NRG1: variants seen among roughly 807,000 people sequenced by gnomAD.
NRG1 encodes neuregulin 1, also known as pro-neuregulin-1, membrane-bound isoform.
In NRG1, 18 loss-of-function variants were observed where a neutral mutation model predicts 63.8. The observed-to-expected ratio is 0.28, with a 90% confidence interval of 0.19 to 0.42. The LOEUF (loss-of-function observed/expected upper bound fraction) is 0.42. Among genes scored for constraint, NRG1 ranks in the 10% least tolerant of loss-of-function variants. NRG1 has a pLI of 1.00. For missense variants in NRG1, 762 were observed against 814.7 expected, an observed-to-expected ratio of 0.94 and a Z score of 0.79; for synonymous variants, 302 against 301.3, an observed-to-expected ratio of 1.00 and a Z score of -0.02.
intron 1 of NRG1, among the ~76,000 whole-genome samples, chr8:31,859,206 T>C (rs1456483928): frequency 6.6e-6 from 1 of 152,210 alleles, no homozygotes; most frequent in African/African-American, 2.4e-5. Flanking sequence ...CCTTATTAGC[T>C]GTTAATAAAT....
At chr8:32,583,903 G>T (rs1841151955) in intron 1 of NRG1, among the ~76,000 whole-genome samples, 1 of 152,174 alleles carries the variant, frequency 6.6e-6, no homozygotes, top group African/African-American at 2.4e-5. Flanking sequence ...GCTTCATTTT[G>T]ACTTCTTTCG....
chr8:32,513,204 CGTGT>C lies in NRG1; in HGVS notation c.38-82607_38-82604del, dbSNP rs3031226. 6.3e-4 allele frequency among the ~76,000 whole-genome samples: 93 copies of C among 147,670 alleles called. 1 individual carries two copies. Among genetic ancestry groups the C allele is most frequent in the African/African-American group, 1.4e-3 (58 of 40,268 alleles). ...GTGTGTGTGTGTGTATGCGTGTGTG[CGTGT>C]GTGTGTGTGTGTGTGTATAAAAAAT... is the stretch of plus-strand genomic sequence containing the variant. On this transcript the variant is annotated intron_variant, in intron 1 of 10. Transcript: ENST00000519301.
chr8:32,221,346 C>T (rs1292834316), intron 1 of NRG1, among the ~76,000 whole-genome samples: 4 of 152,060 alleles, frequency 2.6e-5, no homozygotes, highest in Non-Finnish European at 4.4e-5. Flanking sequence ...AAAGGAGACC[C>T]GCTTCGTTTT....
At chr8:31,821,179 G>A (rs1823969445) in intron 1 of NRG1, among the ~76,000 whole-genome samples, 1 of 152,124 alleles carries the variant, frequency 6.6e-6, no homozygotes, top group South Asian at 2.1e-4. Context: ...GCAATGTTTT[G>A]GAATGTTTTG....
At chr8:32,640,081 G>A (rs554351701) in intron 5 of NRG1, among the ~76,000 whole-genome samples, 28 of 152,240 alleles carry the variant, frequency 1.8e-4, no homozygotes, top group South Asian at 1.2e-3. Flanking sequence ...TGCCCTGAAC[G>A]TAACTGTAAT....
intron 1 of NRG1, among the ~76,000 whole-genome samples, chr8:31,970,191 A>G (rs1478793461): frequency 1.3e-5 from 2 of 152,150 alleles, no homozygotes; most frequent in African/African-American, 2.4e-5. Context: ...TTCATCCTCT[A>G]CAAGGTTCTG....
At chr8:32,649,680 C>T (rs1485019627) in intron 5 of NRG1, among the ~76,000 whole-genome samples, 4 of 152,108 alleles carry the variant, frequency 2.6e-5, no homozygotes, top group Non-Finnish European at 4.4e-5. Context: ...CCGATCATTT[C>T]ACGAACACCA....
chr8:31,678,046 T>C (rs1807906808), intron 1 of NRG1, among the ~76,000 whole-genome samples: 1 of 150,352 alleles, frequency 6.7e-6, no homozygotes, highest in African/African-American at 2.4e-5. Context: ...AAAAAAAAAC[T>C]ACACATAAAC....
At chr8:32,670,184 T>C (rs1805267397) in intron 5 of NRG1, among the ~76,000 whole-genome samples, 1 of 152,246 alleles carries the variant, frequency 6.6e-6, no homozygotes, top group Non-Finnish European at 1.5e-5. Context: ...CCTGTTATGC[T>C]ACAGGACTTC....
intron 1 of NRG1, among the ~76,000 whole-genome samples, chr8:31,808,629 C>T (rs1822532051): frequency 6.6e-6 from 1 of 151,858 alleles, no homozygotes. Flanking sequence ...TGATTTGTCT[C>T]ATAGTTATTG....
intron 1 of NRG1, among the ~76,000 whole-genome samples, chr8:32,439,898 C>G (rs959255711): frequency 3.3e-5 from 5 of 151,740 alleles, no homozygotes; most frequent in African/African-American, 9.7e-5. Flanking sequence ...CACCTCAACC[C>G]CTCCAGTAGC....
intron 1 of NRG1, among the ~76,000 whole-genome samples, chr8:32,486,504 G>C (rs1825920718): frequency 6.6e-6 from 1 of 151,838 alleles, no homozygotes; most frequent in South Asian, 2.1e-4. Flanking sequence ...TAGAATATTT[G>C]AATTTTTTAT....
At chr8:32,342,966 A>G (rs1034952992) in intron 1 of NRG1, among the ~76,000 whole-genome samples, 5 of 152,198 alleles carry the variant, frequency 3.3e-5, no homozygotes, top group African/African-American at 1.2e-4. Context: ...GATCTTTAAG[A>G]AGAAGAAAAC....
At chr8:31,966,840 C>T (rs935474016) in intron 1 of NRG1, among the ~76,000 whole-genome samples, 1 of 91,234 alleles carries the variant, frequency 1.1e-5, no homozygotes, top group Non-Finnish European at 2.5e-5. Context: ...CAATCCATAC[C>T]CAATTCTCAG....
intron 1 of NRG1, among the ~76,000 whole-genome samples, chr8:31,959,496 T>C (rs1805046352): frequency 6.6e-6 from 1 of 152,144 alleles, no homozygotes; most frequent in African/African-American, 2.4e-5. Flanking sequence ...ATCATCATGC[T>C]GAATGGGGAG....
rs982129477 is a variant in NRG1, at chr8:31,987,310, A to C, written c.37+347879A>C. ...TGAGACTGTCTCAAAAAAAAAAAAA[A>C]AACATATATATGTGTGTGTGTGTGT... is the stretch of plus-strand genomic sequence containing the variant. On this transcript the variant is annotated intron_variant, in intron 1 of 10. Coordinates refer to the NRG1 transcript ENST00000519301. Among the ~76,000 whole-genome samples, 5 of 124,606 alleles carry C rather than the reference A, an allele frequency of 4.0e-5. No individual in the cohort carries two copies. The Admixed American group carries it at 4.3e-4, about 11-fold the overall frequency. The allele number at this position is 124,606 out of a possible 152,430, so 81.7% of individuals were successfully genotyped here. A position where few individuals can be genotyped will look rare whatever the true frequency, so the allele number is the denominator to read the frequency against.
intron 1 of NRG1, among the ~76,000 whole-genome samples, chr8:32,461,526 C>G (rs1048726473): frequency 3.9e-4 from 60 of 152,066 alleles, no homozygotes; most frequent in African/African-American, 1.4e-3. Context: ...TGGAGAAACC[C>G]CATCTCTACT....
At chr8:32,321,755 C>T (rs1358514997) in intron 1 of NRG1, among the ~76,000 whole-genome samples, 2 of 151,846 alleles carry the variant, frequency 1.3e-5, no homozygotes, top group East Asian at 3.9e-4. Context: ...CTTATTCTAC[C>T]ACAAAGTAGC....
At chr8:32,556,866 A>G (rs889442607) in intron 1 of NRG1, among the ~76,000 whole-genome samples, 1 of 152,252 alleles carries the variant, frequency 6.6e-6, no homozygotes, top group Non-Finnish European at 1.5e-5. Flanking sequence ...CAGGGAATCT[A>G]AAACCAGCCT....
Sources: gnomAD v4.1 joint callset for allele counts (sites outside exome capture counted in the v4.1 genomes callset) on GRCh38, gnomAD v4.1.1 for gene constraint, MANE v1.5 for transcripts, NCBI Gene and HGNC (gene_info 2026-07-23, HGNC 2026-07-21) for gene names.